Variants in KCNIP4 observed in about 807,000 individuals in gnomAD.
KCNIP4 encodes the protein potassium voltage-gated channel interacting protein 4.
A neutral mutation model predicts 34.0 loss-of-function variants in KCNIP4; 12 were observed. The observed-to-expected ratio is 0.35, with a 90% CI of 0.23 to 0.57. The LOEUF (loss-of-function observed/expected upper bound fraction) is 0.57. Ranked by LOEUF, KCNIP4 falls within the 20% of genes least tolerant of loss-of-function variation. The pLI, the probability that KCNIP4 is intolerant of heterozygous loss-of-function variation, is 0.83. For missense variants in KCNIP4, 238 were observed against 311.7 expected (o/e 0.76, Z 1.78); for synonymous variants, 124 against 102.2 (o/e 1.21, Z -1.29).
intron 1 of KCNIP4, among the ~76,000 whole-genome samples, chr4:21,922,247 G>A (rs1728978173): frequency 6.6e-6 from 1 of 152,080 alleles, no homozygotes; most frequent in Admixed American, 6.6e-5. Context: ...ACTGCTCTTG[G>A]CCCATGATGC....
At chr4:21,840,578 T>G (rs1342537139) in intron 1 of KCNIP4, among the ~76,000 whole-genome samples, 1 of 152,288 alleles carries the variant, frequency 6.6e-6, no homozygotes, top group Non-Finnish European at 1.5e-5. Flanking sequence ...GGCACCCCAA[T>G]TTTGCTTTGA....
chr4:20,862,222 C>T (rs914453157), intron 2 of KCNIP4, among the ~76,000 whole-genome samples: 5 of 152,022 alleles, frequency 3.3e-5, no homozygotes, highest in African/African-American at 1.2e-4. Context: ...AACTCCTGAC[C>T]TCATGATCCA....
intron 3 of KCNIP4, among the ~76,000 whole-genome samples, chr4:20,849,404 G>C (rs867247981): frequency 6.6e-6 from 1 of 152,144 alleles, no homozygotes; most frequent in East Asian, 1.9e-4. Flanking sequence ...TGTGCAATGC[G>C]CATGCAGAAA....
intron 1 of KCNIP4, among the ~76,000 whole-genome samples, chr4:20,981,673 T>C (rs1736081753): frequency 6.6e-6 from 1 of 152,178 alleles, no homozygotes; most frequent in Non-Finnish European, 1.5e-5. Context: ...TCCTAACATG[T>C]ATTTCAGAGG....
chr4:21,340,014 G>T (rs1485513), intron 1 of KCNIP4, among the ~76,000 whole-genome samples: 5,587 of 152,026 alleles, frequency 0.037, 236 homozygotes, highest in East Asian at 0.19. Flanking sequence ...TGTTATCTTT[G>T]TAAGGTGACT....
intron 1 of KCNIP4, among the ~76,000 whole-genome samples, chr4:20,990,040 A>C (rs1380517777): frequency 6.6e-6 from 1 of 152,194 alleles, no homozygotes. Context: ...GGCGAGAAAA[A>C]TGAGATTGGA....
At chr4:21,881,617 C>T (rs185889465) in intron 1 of KCNIP4, among the ~76,000 whole-genome samples, 26 of 152,128 alleles carry the variant, frequency 1.7e-4, no homozygotes, top group African/African-American at 2.6e-4. Context: ...CACGTTGATA[C>T]GCACACAGTA....
chr4:20,840,818 C>A (rs1247468760), intron 3 of KCNIP4, among the ~76,000 whole-genome samples: 5 of 152,162 alleles, frequency 3.3e-5, no homozygotes, highest in Non-Finnish European at 7.4e-5. Flanking sequence ...GTGCTGGATA[C>A]CAACACCCCC....
chr4:21,880,155 G>A (rs1045855811), intron 1 of KCNIP4, among the ~76,000 whole-genome samples: 37 of 152,214 alleles, frequency 2.4e-4, no homozygotes, highest in African/African-American at 8.4e-4. Flanking sequence ...AGGAGATATG[G>A]CATGGGGAGA....
At chr4:21,115,335 T>C (rs1444244934) in intron 1 of KCNIP4, among the ~76,000 whole-genome samples, 1 of 152,156 alleles carries the variant, frequency 6.6e-6, no homozygotes, top group Non-Finnish European at 1.5e-5. Context: ...CCATTATCTA[T>C]TAAGGTCAGG....
intron 1 of KCNIP4, among the ~76,000 whole-genome samples, chr4:21,772,380 G>A (rs897160115): frequency 1.3e-5 from 2 of 151,990 alleles, no homozygotes. Flanking sequence ...TTTGCCTGAT[G>A]TTTTCTTTTT....
intron 1 of KCNIP4, among the ~76,000 whole-genome samples, chr4:21,383,501 A>T (rs1721724815): frequency 8.4e-5 from 1 of 11,964 alleles, no homozygotes; most frequent in Admixed American, 8.7e-4. Context: ...AGCAAGACAA[A>T]AAAAAAAAAA....
chr4:20,975,080 A>G (rs1449722588), intron 1 of KCNIP4, among the ~76,000 whole-genome samples: 2 of 152,218 alleles, frequency 1.3e-5, no homozygotes, highest in African/African-American at 4.8e-5. Context: ...ACTGAGGTTC[A>G]GGTGGTTATA....
At chr4:21,319,603 T>A (rs1338207188) in intron 1 of KCNIP4, among the ~76,000 whole-genome samples, 1 of 152,134 alleles carries the variant, frequency 6.6e-6, no homozygotes, top group African/African-American at 2.4e-5. Context: ...GCCTGATAAA[T>A]ATCTATGCAC....
At chr4:21,734,663 A>C (rs1378788577) in intron 1 of KCNIP4, among the ~76,000 whole-genome samples, 2 of 152,182 alleles carry the variant, frequency 1.3e-5, no homozygotes, top group East Asian at 3.8e-4. Context: ...GGTAGACAAA[A>C]ATTTTTTAAA....
At chr4:20,810,560 A>G (rs1484772750) in intron 3 of KCNIP4, among the ~76,000 whole-genome samples, 2 of 152,222 alleles carry the variant, frequency 1.3e-5, no homozygotes, top group East Asian at 3.9e-4. Flanking sequence ...TGAATTTGCA[A>G]CTAACACTGA....
intron 1 of KCNIP4, among the ~76,000 whole-genome samples, chr4:21,763,987 A>T (rs1267569694): frequency 6.6e-6 from 1 of 152,114 alleles, no homozygotes; most frequent in Non-Finnish European, 1.5e-5. Context: ...TCACAAGAAA[A>T]TTTATGCAAT....
chr4:21,847,996 C>T (rs1724135475), intron 1 of KCNIP4: 1 of 152,098 alleles, frequency 6.6e-6, no homozygotes, highest in African/African-American at 2.4e-5. Context: ...TTCATCTTGG[C>T]TATTTGACTG....
At chr4:21,944,869 TC>T (rs1437782927) in intron 1 of KCNIP4, among the ~76,000 whole-genome samples, 1 of 152,146 alleles carries the variant, frequency 6.6e-6, no homozygotes, top group African/African-American at 2.4e-5. Context: ...AATGGGTGCT[TC>T]AATGCCCAAG....
Sources: gnomAD v4.1 joint callset for allele counts (sites outside exome capture counted in the v4.1 genomes callset) on GRCh38, gnomAD v4.1.1 for gene constraint, MANE v1.5 for transcripts, NCBI Gene and HGNC (gene_info 2026-07-23, HGNC 2026-07-21) for gene names.